Variants in SORCS2 observed in about 807,000 individuals in gnomAD.
SORCS2 encodes VPS10 domain-containing receptor SorCS2.
In SORCS2, 100 loss-of-function variants were observed where a neutral mutation model predicts 141.6. That is an observed-to-expected ratio of 0.71 (90% CI 0.60 to 0.83). SORCS2 has a LOEUF of 0.83. Among genes scored for constraint, SORCS2 ranks in the 40% least tolerant of loss-of-function variants. The pLI is 0.00. For synonymous variants in SORCS2, 789 were observed against 676.9 expected (o/e 1.17, Z -2.57); for missense variants, 1,646 against 1,560.2 (o/e 1.05, Z -0.93).
chr4:7,682,838 C>T lies in SORCS2; in HGVS notation c.1437C>T (p.Tyr479=). 1.2e-6 allele frequency: 2 copies of T among 1,613,278 alleles called. No individual in the cohort carries two copies. Among genetic ancestry groups the T allele is most frequent in the Non-Finnish European group, 8.5e-7 (1 of 1,179,620 alleles). The part of the protein sequence containing the change: ...ITYNKGRDWD[Y]LRPPSMDMNG... ...ACAACAAGGGCCGCGACTGGGATTA[C>T]CTGAGGCCACCCAGCATGGACATGA... The change falls in exon 10 of 27, where the codon TAC becomes TAT. Residue 479 remains tyrosine (Y), a synonymous_variant. Transcript: ENST00000507866.
chr4:7,468,590 G>A (rs1362885555), intron 2 of SORCS2, among the ~76,000 whole-genome samples: 2 of 152,366 alleles, frequency 1.3e-5, no homozygotes, highest in East Asian at 1.9e-4. Flanking sequence ...AACGCGTAGA[G>A]TGAATGAATA....
chr4:7,511,352 A>C, intron 2 of SORCS2, among the ~76,000 whole-genome samples: 1 of 118,426 alleles, frequency 8.4e-6, no homozygotes. Context: ...AGGGAGGGAG[A>C]GAGAGAGAGA....
intron 1 of SORCS2, among the ~76,000 whole-genome samples, chr4:7,248,619 CT>C (rs1409033513): frequency 1.3e-5 from 2 of 152,200 alleles, no homozygotes; most frequent in Middle Eastern, 3.2e-3. Context: ...GTTTTCTCAT[CT>C]GTGAAAGGAC....
chr4:7,556,280 C>A (rs1714098844), intron 3 of SORCS2, among the ~76,000 whole-genome samples: 1 of 152,090 alleles, frequency 6.6e-6, no homozygotes, highest in Non-Finnish European at 1.5e-5. Context: ...TGTGAGGACC[C>A]ATAATGAGTT....
intron 8 of SORCS2, 38 bp from the exon 9 acceptor site, chr4:7,676,012 C>A (rs751929584): frequency 2.6e-6 from 4 of 1,550,998 alleles, no homozygotes; most frequent in Non-Finnish European, 3.5e-6. Flanking sequence ...CAGCCCCCAG[C>A]CTGGCTCTGA....
rs977256235 is a variant in SORCS2 at position 7,723,769 on chromosome 4, C to G, written c.2497C>G (p.Leu833Val). Residue 833 changes from leucine to valine, a missense_variant, in exon 19 of 27, where the codon CTG becomes GTG. Leu to Val is a conservative substitution (Grantham distance 32). Transcript: ENST00000507866. ...CAAGGCCATGTACGTGAACCTTACA[C>G]TGACCGGGGAGCCCATCCGGCACCG... ...GFKAMYVNLTLTGEPIRHRYE... is the reference protein window; with the variant it reads ...GFKAMYVNLTVTGEPIRHRYE... 2 of 1,614,026 alleles carry G rather than the reference C, an allele frequency of 1.2e-6. No individual in the cohort carries two copies. Among genetic ancestry groups the G allele is most frequent in the South Asian group, 2.2e-5 (2 of 91,088 alleles).
chr4:7,266,619 C>T (rs1714751975), intron 1 of SORCS2, among the ~76,000 whole-genome samples: 2 of 152,214 alleles, frequency 1.3e-5, no homozygotes, highest in South Asian at 2.1e-4. Flanking sequence ...ATCAAGCACT[C>T]CGGTGGTTTC....
intron 1 of SORCS2, among the ~76,000 whole-genome samples, chr4:7,246,164 G>A (rs556940686): frequency 8.5e-5 from 13 of 152,320 alleles, no homozygotes; most frequent in Non-Finnish European, 1.5e-4. Flanking sequence ...AGCCACAGCC[G>A]TGCAGAAAAT....
intron 2 of SORCS2, among the ~76,000 whole-genome samples, chr4:7,448,108 C>A (rs1560292045): frequency 6.6e-6 from 1 of 152,210 alleles, no homozygotes. Flanking sequence ...CGAGAGTCCA[C>A]TGTGGGAAGA....
chr4:7,384,401 G>T (rs1242541035), intron 1 of SORCS2, among the ~76,000 whole-genome samples: 1 of 152,190 alleles, frequency 6.6e-6, no homozygotes, highest in Non-Finnish European at 1.5e-5. Context: ...TCTGGTCCAG[G>T]CATCTTGGGT....
intron 1 of SORCS2, among the ~76,000 whole-genome samples, chr4:7,306,602 G>A (rs1324013877): frequency 2.6e-5 from 4 of 152,244 alleles, no homozygotes; most frequent in Non-Finnish European, 4.4e-5. Flanking sequence ...CTGAAGGGCG[G>A]TTCCCGTGGG....
chr4:7,652,791 C>G (rs548780265), intron 4 of SORCS2, among the ~76,000 whole-genome samples: 2 of 152,078 alleles, frequency 1.3e-5, no homozygotes, highest in South Asian at 4.2e-4. Context: ...GACCACGGAC[C>G]CCCTGAGCGC....
At chr4:7,499,575 C>A (rs188584857) in intron 2 of SORCS2, among the ~76,000 whole-genome samples, 9 of 152,062 alleles carry the variant, frequency 5.9e-5, no homozygotes, top group Non-Finnish European at 1.0e-4. Context: ...CACTGGCTGG[C>A]GGGTGGGGGC....
At chr4:7,314,822 T>G (rs1224831770) in intron 1 of SORCS2, among the ~76,000 whole-genome samples, 13 of 112,296 alleles carry the variant, frequency 1.2e-4, no homozygotes, top group South Asian at 2.9e-4. Flanking sequence ...TTTTTTTTTT[T>G]TTTTTTTATT....
At chr4:7,369,659 CT>C (rs1722124861) in intron 1 of SORCS2, among the ~76,000 whole-genome samples, 1 of 152,162 alleles carries the variant, frequency 6.6e-6, no homozygotes, top group Non-Finnish European at 1.5e-5. Flanking sequence ...CTGGCCCCAG[CT>C]TTGCTGAGTG....
rs150898108 is a variant in SORCS2, at chr4:7,360,397, C to T, written c.481-35891C>T. Reference sequence around the variant, plus strand: ...CTGTTCCTTCTGGGAGGTCCTTTGCCACACCCCAGCAGGTCCTACCTCCCA... The same window carrying T: ...CTGTTCCTTCTGGGAGGTCCTTTGCTACACCCCAGCAGGTCCTACCTCCCA... On this transcript the variant is annotated intron_variant, in intron 1 of 26. Transcript: ENST00000507866. 1.3e-4 allele frequency among the ~76,000 whole-genome samples: 20 copies of T among 151,922 alleles called. No homozygotes were observed. In the East Asian group the frequency reaches 2.7e-3, roughly 21 times the overall value.
chr4:7,322,765 G>A (rs1718978342), intron 1 of SORCS2, among the ~76,000 whole-genome samples: 1 of 152,162 alleles, frequency 6.6e-6, no homozygotes, highest in Non-Finnish European at 1.5e-5. Context: ...GATTCAAATG[G>A]GGGAGGACCT....
intron 17 of SORCS2, 47 bp downstream of exon 17, chr4:7,715,358 C>T: frequency 6.2e-7 from 1 of 1,604,254 alleles, no homozygotes. Flanking sequence ...GGGGGCAGAG[C>T]TGTGGTGCAG....
chr4:7,705,160 G>A (rs993299338), intron 14 of SORCS2, among the ~76,000 whole-genome samples: 5 of 152,174 alleles, frequency 3.3e-5, no homozygotes, highest in Admixed American at 6.5e-5. Flanking sequence ...CAGAGACACA[G>A]GCCTTGGGGG....
Sources: gnomAD v4.1 joint callset for allele counts (sites outside exome capture counted in the v4.1 genomes callset) on GRCh38, gnomAD v4.1.1 for gene constraint, MANE v1.5 for transcripts, NCBI Gene and HGNC (gene_info 2026-07-23, HGNC 2026-07-21) for gene names.